The following MACROD2 variants were observed in gnomAD, a reference collection of about 807,000 sequenced individuals.
MACROD2 encodes the protein ADP-ribose glycohydrolase MACROD2.
A neutral mutation model predicts 70.4 loss-of-function variants in MACROD2; 36 were observed. The observed-to-expected ratio is 0.51, with a 90% CI of 0.39 to 0.68. The LOEUF (loss-of-function observed/expected upper bound fraction) is 0.68, where lower values mean the gene tolerates loss of function less well. Ranked by LOEUF, MACROD2 falls within the 30% of genes least tolerant of loss-of-function variation. MACROD2 has a pLI of 0.00. For missense variants in MACROD2, 496 were observed against 538.4 expected (o/e 0.92, Z 0.78); for synonymous variants, 172 against 178.8 (o/e 0.96, Z 0.30).
chr20:14,990,668 C>A (rs895899678), intron 5 of MACROD2, among the ~76,000 whole-genome samples: 7 of 151,962 alleles, frequency 4.6e-5, no homozygotes, highest in Admixed American at 2.0e-4. Context: ...CACTCACCAC[C>A]ACTCCCGGAT....
chr20:15,959,140 TTTTAA>T (rs2066021835), intron 12 of MACROD2, among the ~76,000 whole-genome samples: 1 of 152,184 alleles, frequency 6.6e-6, no homozygotes, highest in African/African-American at 2.4e-5. Context: ...AAAATAACAC[TTTTAA>T]TTTAATCTTA....
rs982306153 is a variant in MACROD2, at chr20:15,609,589, G to A, written c.645+109742G>A. Among the ~76,000 whole-genome samples the A allele has an allele frequency of 3.4e-4, 52 of 151,274 alleles. 1 individual carries two copies. The highest frequency in any genetic ancestry group is 2.9e-3 in the Admixed American group (44 of 15,250). On this transcript the variant is annotated intron_variant, in intron 8 of 17. Transcript: ENST00000684519. The stretch of plus-strand genomic sequence containing the variant: ...AACATTTGTAAAATCCTGCCCATGT[G>A]AGTGGAAGGTGATCTGTACCACCAC...
chr20:15,354,893 T>A (rs570005430), intron 6 of MACROD2, among the ~76,000 whole-genome samples: 5 of 152,318 alleles, frequency 3.3e-5, no homozygotes, highest in South Asian at 4.1e-4. Flanking sequence ...TACATAGTAA[T>A]ATGTACTAGT....
At chr20:15,993,466 A>G (rs920328027) in intron 15 of MACROD2, among the ~76,000 whole-genome samples, 1 of 152,136 alleles carries the variant, frequency 6.6e-6, no homozygotes, top group African/African-American at 2.4e-5. Context: ...GTATGGGTTT[A>G]TAACCTAAGA....
intron 5 of MACROD2, among the ~76,000 whole-genome samples, chr20:14,866,095 A>C (rs908984296): frequency 2.6e-5 from 4 of 152,140 alleles, no homozygotes; most frequent in Admixed American, 2.0e-4. Flanking sequence ...ATGACTATAT[A>C]TGAAATGAAT....
chr20:16,041,368 A>G, intron 16 of MACROD2, 90 bp downstream of exon 16: 1 of 1,014,276 alleles, frequency 9.9e-7, no homozygotes, highest in Non-Finnish European at 1.4e-6. Context: ...TATCTGTTCT[A>G]TAAAGCAACA....
chr20:14,036,399 TATTA>T (rs2148636228), intron 2 of MACROD2, among the ~76,000 whole-genome samples: 1 of 152,200 alleles, frequency 6.6e-6, no homozygotes, highest in East Asian at 1.9e-4. Flanking sequence ...GTTCAGTAGG[TATTA>T]ATTAGGACCC....
chr20:14,132,293 C>T (rs1601259101), intron 3 of MACROD2, among the ~76,000 whole-genome samples: 1 of 151,614 alleles, frequency 6.6e-6, no homozygotes, highest in East Asian at 2.0e-4. Flanking sequence ...AGCGATCCTC[C>T]TGCCTTGGCT....
chr20:14,637,672 T>C (rs1230350570), intron 4 of MACROD2, among the ~76,000 whole-genome samples: 6 of 152,340 alleles, frequency 3.9e-5, no homozygotes, highest in Admixed American at 3.9e-4. Flanking sequence ...TTTGAATTGG[T>C]GTCCAGGTGG....
chr20:15,840,938 A>T (rs1302054936), intron 8 of MACROD2, among the ~76,000 whole-genome samples: 1 of 152,210 alleles, frequency 6.6e-6, no homozygotes, highest in Non-Finnish European at 1.5e-5. Flanking sequence ...ATGTTTTTCA[A>T]CAAGAAAACC....
intron 4 of MACROD2, among the ~76,000 whole-genome samples, chr20:14,683,862 C>CT (rs11087102): frequency 0.093 from 14,122 of 151,214 alleles, 1,024 homozygotes; most frequent in South Asian, 0.27. Flanking sequence ...TATAATCTTG[C>CT]TTTTTTTTTC....
At chr20:15,799,868 T>C (rs1446323326) in intron 8 of MACROD2, among the ~76,000 whole-genome samples, 2 of 152,252 alleles carry the variant, frequency 1.3e-5, no homozygotes, top group East Asian at 1.9e-4. Context: ...ATAATGGCTA[T>C]ACTAATTTAT....
At chr20:15,984,659 G>T (rs1253030288) in intron 13 of MACROD2, among the ~76,000 whole-genome samples, 2 of 132,282 alleles carry the variant, frequency 1.5e-5, no homozygotes, top group African/African-American at 3.0e-5. Flanking sequence ...CTTTTTTAAA[G>T]CGAACTTTCT....
intron 3 of MACROD2, among the ~76,000 whole-genome samples, chr20:14,444,133 A>G (rs1169033269): frequency 1.3e-5 from 2 of 152,162 alleles, no homozygotes; most frequent in Non-Finnish European, 2.9e-5. Flanking sequence ...GGTCAATGTT[A>G]TCAGGGGATA....
intron 3 of MACROD2, among the ~76,000 whole-genome samples, chr20:14,347,513 AG>A (rs1168929831): frequency 6.6e-6 from 1 of 152,214 alleles, no homozygotes; most frequent in Non-Finnish European, 1.5e-5. Context: ...CTGATTGTAC[AG>A]GATGGTAAGG....
chr20:14,569,185 T>TTTA (rs1342090550), intron 4 of MACROD2, among the ~76,000 whole-genome samples: 1 of 152,048 alleles, frequency 6.6e-6, no homozygotes, highest in Non-Finnish European at 1.5e-5. Context: ...ACAGAATGCT[T>TTTA]TTTAAGAGTT....
rs1329939455 is a variant in MACROD2 at position 15,143,406 on chromosome 20, A to G, written c.419-86534A>G. Among the ~76,000 whole-genome samples the G allele has an allele frequency of 2.0e-5, 3 of 151,960 alleles. No homozygotes were observed. The East Asian group carries it at 5.8e-4, about 29-fold the overall frequency. On this transcript the variant is annotated intron_variant, in intron 5 of 17. Coordinates refer to ENST00000684519, the MANE Select transcript of MACROD2 (RefSeq NM_001351661.2). ...TGCTTAAGTTCTTTGTAGATTCTGG[A>G]TATTAGCCCTTTGTCAGATGAGTAG...
intron 4 of MACROD2, among the ~76,000 whole-genome samples, chr20:14,678,892 T>C (rs911269014): frequency 6.6e-6 from 1 of 152,154 alleles, no homozygotes; most frequent in African/African-American, 2.4e-5. Context: ...TATTTGACTT[T>C]ACTTTTTACT....
At chr20:15,047,182 T>C (rs965992184) in intron 5 of MACROD2, among the ~76,000 whole-genome samples, 5 of 152,220 alleles carry the variant, frequency 3.3e-5, no homozygotes, top group African/African-American at 1.2e-4. Flanking sequence ...TGACATCTGA[T>C]TGAGGATACG....
Sources: gnomAD v4.1 joint callset for allele counts (sites outside exome capture counted in the v4.1 genomes callset) on GRCh38, gnomAD v4.1.1 for gene constraint, MANE v1.5 for transcripts, NCBI Gene and HGNC (gene_info 2026-07-23, HGNC 2026-07-21) for gene names.